The following TAFA5 variants were observed in gnomAD, a reference collection of about 807,000 sequenced individuals.
The protein encoded by TAFA5 is TAFA chemokine like family member 5.
TAFA5 carries 6 observed loss-of-function variants against 15.3 expected under a neutral mutation model. The observed-to-expected ratio is 0.39, with a 90% CI of 0.21 to 0.77. TAFA5 has a LOEUF of 0.77. TAFA5 is among the 30% of genes least tolerant of loss of function. TAFA5 has a pLI of 0.41. For synonymous variants in TAFA5, 103 were observed against 80.7 expected (o/e 1.28, Z -1.48); for missense variants, 161 against 193.1 (o/e 0.83, Z 0.98).
At chr22:48,498,288 G>A (rs890424270) in intron 1 of TAFA5, among the ~76,000 whole-genome samples, 1 of 151,148 alleles carries the variant, frequency 6.6e-6, no homozygotes, top group African/African-American at 2.4e-5. Flanking sequence ...CTGGAGGCGG[G>A]GCTGAAGAGT....
Position 48,489,666 on chromosome 22 carries a change from C to A in TAFA5, c.74C>A (p.Ala25Glu). 2.0e-6 allele frequency: 3 copies of A among 1,530,424 alleles called. No homozygotes were observed. The highest frequency in any genetic ancestry group is 8.8e-7 in the Non-Finnish European group (1 of 1,138,962). 94.8% of individuals were successfully genotyped at this position (1,530,424 alleles called of 1,614,324 possible). A position where few individuals can be genotyped will look rare whatever the true frequency, so the allele number is the denominator to read the frequency against. Residue 25 changes from alanine (A) to glutamate (E), a missense_variant, in exon 1 of 4, where the codon GCG (alanine) becomes GAG (glutamate). Coordinates refer to ENST00000402357, the MANE Select transcript of TAFA5 (RefSeq NM_001082967.3). The surrounding 1 kb of genome is among the most constrained non-coding windows in gnomAD (Gnocchi z 5.5). Reference sequence around the variant, plus strand: ...CCCAGCATGTCCTCAACTTTCTGGGCGTTCATGATCCTGGCCAGCCTGCTC... The same window carrying A: ...CCCAGCATGTCCTCAACTTTCTGGGAGTTCATGATCCTGGCCAGCCTGCTC... ...ALPSMSSTFW[A>E]FMILASLLIA...
chr22:48,493,854 AGACAGTGC>A (rs1928237257), intron 1 of TAFA5, among the ~76,000 whole-genome samples: 1 of 152,188 alleles, frequency 6.6e-6, no homozygotes, highest in Non-Finnish European at 1.5e-5. Context: ...CAGCGGCTCT[AGACAGTGC>A]CCTGGAGAGC....
Position 48,742,530 on chromosome 22 carries a change from G to A in TAFA5, c.391-7309G>A, listed in dbSNP as rs1416606086. On this transcript the variant is annotated intron_variant, in intron 3 of 3. Coordinates refer to ENST00000402357, the MANE Select transcript of TAFA5 (RefSeq NM_001082967.3). The surrounding 1 kb of genome is among the most constrained non-coding windows in gnomAD (Gnocchi z 6.2). The stretch of plus-strand genomic sequence containing the variant: ...CCGGTGGCGTGGCAGACCAGGCGAC[G>A]TGGTGGACCCGGCCGCATGGTGGAC... 1.3e-5 allele frequency among the ~76,000 whole-genome samples: 2 copies of A among 152,008 alleles called. No individual in the cohort carries two copies. Among genetic ancestry groups the A allele is most frequent in the African/African-American group, 2.4e-5 (1 of 41,358 alleles).
chr22:48,673,349 G>T (rs145816949), intron 2 of TAFA5, among the ~76,000 whole-genome samples: 2 of 152,102 alleles, frequency 1.3e-5, no homozygotes, highest in Non-Finnish European at 2.9e-5. Flanking sequence ...TTTTCAGCTC[G>T]CTCCTCTCTG....
chr22:48,614,836 A>G (rs1925538994), intron 1 of TAFA5, among the ~76,000 whole-genome samples: 1 of 151,934 alleles, frequency 6.6e-6, no homozygotes, highest in South Asian at 2.1e-4. Flanking sequence ...GGGCCGGGGT[A>G]GGCACTGGGG....
In TAFA5 at chr22:48,707,848, T is replaced by A. The variant is rs132234; in HGVS notation, c.390+4T>A. 6.2e-7 allele frequency: 1 copy of A among 1,612,104 alleles called. No individual in the cohort carries two copies. Among genetic ancestry groups the A allele is most frequent in the South Asian group, 1.1e-5 (1 of 90,938 alleles). On this transcript the variant is annotated splice_donor_region_variant and intron_variant, in intron 3 of 3. Transcript: ENST00000402357. ...CGGGAGGATAAAGACCACCACGGTATGTGGCCCTCGGCTTTCTCGTGGGTG... is the reference window on the plus strand; with the variant it reads ...CGGGAGGATAAAGACCACCACGGTAAGTGGCCCTCGGCTTTCTCGTGGGTG...
At chr22:48,631,601 G>A (rs1419111557) in intron 1 of TAFA5, among the ~76,000 whole-genome samples, 1 of 152,172 alleles carries the variant, frequency 6.6e-6, no homozygotes, top group Non-Finnish European at 1.5e-5. Flanking sequence ...GCACAGCCCC[G>A]GCGTCACACC....
chr22:48,583,350 A>C (rs991858707), intron 1 of TAFA5, among the ~76,000 whole-genome samples: 2 of 149,532 alleles, frequency 1.3e-5, no homozygotes, highest in Non-Finnish European at 3.0e-5. Context: ...GTGCACACCA[A>C]ACACAAAATA....
At position 48,729,300 on chromosome 22, in the gene TAFA5, T is replaced by TTATTTATAAATATATAATAATTTTA. The variant is rs1601702755; in HGVS notation, c.391-20520_391-20519insATTTTATATTTATAAATATATAATA. Among the ~76,000 whole-genome samples the TTATTTATAAATATATAATAATTTTA allele has an allele frequency of 9.9e-5, 13 of 130,998 alleles. No individual in the cohort carries two copies. The East Asian group carries it at 2.6e-3, about 26-fold the overall frequency. The allele number at this position is 130,998 out of a possible 152,430, so 85.9% of individuals were successfully genotyped here. ...TTATAAATATATAATAATTTTATAT[T>TTATTTATAAATATATAATAATTTTA]TATTTATAAATATATAATATTTTTA... On this transcript the variant is annotated intron_variant, in intron 3 of 3. Coordinates refer to ENST00000402357, the MANE Select transcript of TAFA5 (RefSeq NM_001082967.3).
rs77746199 is a variant in TAFA5, at chr22:48,554,735, T to C, written c.112+65031T>C. ...AATTTCCTGGGTGTCTGGAATATAA[T>C]TTAAAAATTATGAAATGCTAAGATT... On this transcript the variant is annotated intron_variant, in intron 1 of 3. Coordinates refer to ENST00000402357, the MANE Select transcript of TAFA5 (RefSeq NM_001082967.3). 8.0e-3 allele frequency among the ~76,000 whole-genome samples: 1,222 copies of C among 152,332 alleles called. 76 individuals are homozygous for C. In the East Asian group the frequency reaches 0.17, roughly 21 times the overall value.
chr22:48,530,006 C>T lies in TAFA5; in HGVS notation c.112+40302C>T, dbSNP rs184420317. On this transcript the variant is annotated intron_variant, in intron 1 of 3. Coordinates refer to ENST00000402357, the MANE Select transcript of TAFA5 (RefSeq NM_001082967.3). This position sits in a 1 kb window ranked among gnomAD's most constrained non-coding sequence, Gnocchi z 6.0. Reference sequence around the variant, plus strand: ...GCTCATGGATGCAGGGGCTGTGGGCCCTCTGGACACCCCCTGAGGACTGAG... The same window carrying T: ...GCTCATGGATGCAGGGGCTGTGGGCTCTCTGGACACCCCCTGAGGACTGAG... Among the ~76,000 whole-genome samples, 17 of 152,180 alleles carry T rather than the reference C, an allele frequency of 1.1e-4. No individual in the cohort carries two copies. The East Asian group carries it at 2.9e-3, about 26-fold the overall frequency.
At chr22:48,588,187 C>A (rs1328530226) in intron 1 of TAFA5, among the ~76,000 whole-genome samples, 1 of 152,176 alleles carries the variant, frequency 6.6e-6, no homozygotes, top group East Asian at 1.9e-4. Context: ...GTGGTGAGCC[C>A]CTGGGGCTGA....
chr22:48,585,731 A>G (rs888715926), intron 1 of TAFA5, among the ~76,000 whole-genome samples: 3 of 151,744 alleles, frequency 2.0e-5, no homozygotes, highest in Non-Finnish European at 4.4e-5. Context: ...CAACACACAC[A>G]CATAACATAC....
At chr22:48,701,471 G>A (rs372394915) in intron 2 of TAFA5, among the ~76,000 whole-genome samples, 131 of 152,262 alleles carry the variant, frequency 8.6e-4, no homozygotes, top group African/African-American at 3.0e-3. Flanking sequence ...GGGAGTCGGC[G>A]CAACCCTCAG....
chr22:48,651,780 C>T (rs983292971), intron 2 of TAFA5, among the ~76,000 whole-genome samples: 3 of 152,160 alleles, frequency 2.0e-5, no homozygotes. Flanking sequence ...CCTTCCACCC[C>T]ACGTCCACAG....
chr22:48,543,672 G>C (rs981854265), intron 1 of TAFA5: 2 of 152,604 alleles, frequency 1.3e-5, no homozygotes, highest in Non-Finnish European at 2.9e-5. Context: ...TCAACTTCCT[G>C]GGGGACTGTG....
intron 1 of TAFA5, among the ~76,000 whole-genome samples, chr22:48,506,381 G>T (rs377280325): frequency 1.3e-5 from 2 of 152,208 alleles, no homozygotes; most frequent in African/African-American, 4.8e-5. Context: ...AATCCTTTCC[G>T]AAGGGCCCAG....
In TAFA5 at chr22:48,612,665, G is replaced by A. The variant is rs138190424; in HGVS notation, c.113-33932G>A. Reference sequence around the variant, plus strand: ...TTTCCCGGAGTGTCTCCCTTTCCCCGAGTGTCTGCCCTCCCACGAGTGCCT... The same window carrying A: ...TTTCCCGGAGTGTCTCCCTTTCCCCAAGTGTCTGCCCTCCCACGAGTGCCT... On this transcript the variant is annotated intron_variant, in intron 1 of 3. Coordinates refer to ENST00000402357, the MANE Select transcript of TAFA5 (RefSeq NM_001082967.3). Among the ~76,000 whole-genome samples, 1,283 of 152,116 alleles carry A rather than the reference G, an allele frequency of 8.4e-3. 17 individuals carry two copies. The highest frequency in any genetic ancestry group is 0.027 in the African/African-American group (1,127 of 41,488).
rs148245218 is a variant in TAFA5 at position 48,703,115 on chromosome 22, G to C, written c.263-4602G>C. Among the ~76,000 whole-genome samples, 224 of 152,242 alleles carry C rather than the reference G, an allele frequency of 1.5e-3. 1 individual carries two copies. Among genetic ancestry groups the C allele is most frequent in the Admixed American group, 3.3e-3 (50 of 15,300 alleles). ...TGTGTGCGTGTGTGCTGCACCTATA[G>C]ATACGTGTTTGTGAGCATGCATGTA... is the stretch of plus-strand genomic sequence containing the variant. On this transcript the variant is annotated intron_variant, in intron 2 of 3. Transcript: ENST00000402357.
Sources: allele counts gnomAD v4.1 joint callset (sites outside exome capture counted in the v4.1 genomes callset), GRCh38; gene constraint gnomAD v4.1.1; non-coding constraint Gnocchi (gnomAD v3.1); transcripts MANE v1.5; gene names NCBI Gene and HGNC (gene_info 2026-07-23, HGNC 2026-07-21).